The following CAAP1 variants were observed in gnomAD, a reference collection of about 807,000 sequenced individuals.
The protein encoded by CAAP1 is caspase activity and apoptosis inhibitor 1.
CAAP1 carries 20 observed loss-of-function variants against 34.0 expected under a neutral mutation model. That is an observed-to-expected ratio of 0.59 (90% CI 0.41 to 0.86). The LOEUF is 0.86. Among genes scored for constraint, CAAP1 ranks in the 40% least tolerant of loss-of-function variants. The probability of loss-of-function intolerance (pLI) is 0.00; values close to 1 mark genes in which losing one functional copy is unlikely to be tolerated. For synonymous variants in CAAP1, 213 were observed against 166.7 expected (o/e 1.28, Z -2.14); for missense variants, 538 against 450.5 (o/e 1.19, Z -1.76).
At chr9:26,890,020 C>G (rs1014647595) in intron 1 of CAAP1, among the ~76,000 whole-genome samples, 2 of 151,996 alleles carry the variant, frequency 1.3e-5, no homozygotes, top group African/African-American at 2.4e-5. Flanking sequence ...TAGTTCTGTA[C>G]GCAAAATGTT....
At chr9:26,887,267 G>T in intron 2 of CAAP1, 46 bp downstream of exon 2, 3 of 1,220,156 alleles carry the variant, frequency 2.5e-6, no homozygotes, top group Non-Finnish European at 3.4e-6. Flanking sequence ...CTACAAAGAA[G>T]GCTGTATTTC....
chr9:26,849,128 G>C (rs1364421379), intron 5 of CAAP1, among the ~76,000 whole-genome samples: 1 of 152,202 alleles, frequency 6.6e-6, no homozygotes, highest in Non-Finnish European at 1.5e-5. Context: ...CAGGCTAGAC[G>C]ACAGTGTAAT....
intron 5 of CAAP1, among the ~76,000 whole-genome samples, chr9:26,844,169 C>T (rs923301766): frequency 6.6e-6 from 1 of 151,934 alleles, no homozygotes; most frequent in Admixed American, 6.6e-5. Context: ...ACCAGCCTGA[C>T]CAACATGGAG....
chr9:26,877,840 T>A (rs1823481704), intron 4 of CAAP1, among the ~76,000 whole-genome samples: 1 of 151,850 alleles, frequency 6.6e-6, no homozygotes, highest in Middle Eastern at 3.2e-3. Context: ...ATATTTCCTA[T>A]ATTTGTTATA....
intron 1 of CAAP1, among the ~76,000 whole-genome samples, chr9:26,888,797 G>A (rs1242661492): frequency 2.6e-5 from 4 of 152,132 alleles, no homozygotes; most frequent in African/African-American, 7.2e-5. Context: ...ACTTGTACTT[G>A]TTCTTAACAG....
intron 4 of CAAP1, among the ~76,000 whole-genome samples, chr9:26,870,541 G>C (rs1194334181): frequency 7.2e-6 from 1 of 138,300 alleles, no homozygotes; most frequent in African/African-American, 2.7e-5. Flanking sequence ...TGTGTATATA[G>C]ACACATACAC....
At chr9:26,873,954 TC>T (rs1456628742) in intron 4 of CAAP1, among the ~76,000 whole-genome samples, 2 of 152,114 alleles carry the variant, frequency 1.3e-5, no homozygotes, top group East Asian at 3.9e-4. Flanking sequence ...ACGCCTGTAA[TC>T]CCAGAACTTT....
At chr9:26,881,272 T>A (rs1175485508) in intron 4 of CAAP1, among the ~76,000 whole-genome samples, 1 of 152,218 alleles carries the variant, frequency 6.6e-6, no homozygotes, top group Non-Finnish European at 1.5e-5. Context: ...CCATGCACAG[T>A]CGTTGTTGTA....
At chr9:26,867,940 G>A (rs939361562) in intron 4 of CAAP1, among the ~76,000 whole-genome samples, 1 of 152,156 alleles carries the variant, frequency 6.6e-6, no homozygotes, top group African/African-American at 2.4e-5. Flanking sequence ...TTAGAAGTAT[G>A]GTACTGCTTT....
At chr9:26,861,030 TA>T in intron 5 of CAAP1, 35 bp downstream of exon 5, 1 of 1,433,454 alleles carries the variant, frequency 7.0e-7, no homozygotes. Flanking sequence ...ATTCTTCAGG[TA>T]AATTTTATAC....
At chr9:26,845,501 G>A (rs1822578382) in intron 5 of CAAP1, among the ~76,000 whole-genome samples, 1 of 152,110 alleles carries the variant, frequency 6.6e-6, no homozygotes. Flanking sequence ...TCAGCCTTCT[G>A]AGTAGCTGGG....
At position 26,840,959 on chromosome 9, in the gene CAAP1, T is replaced by C. The variant is rs575479200; in HGVS notation, c.*1342A>G. The C allele has an allele frequency of 1.3e-5, 2 of 152,326 alleles. No individual in the cohort carries two copies. The highest frequency in any genetic ancestry group is 3.9e-4 in the East Asian group (2 of 5,190). 9.4% of individuals were successfully genotyped at this position (152,326 alleles called of 1,614,324 possible). A position where few individuals can be genotyped will look rare whatever the true frequency, so the allele number is the denominator to read the frequency against. On this transcript the variant is annotated 3_prime_UTR_variant, in exon 6 of 6. Coordinates refer to ENST00000333916, the MANE Select transcript of CAAP1 (RefSeq NM_024828.4). Reference sequence around the variant, plus strand: ...TTTAAAATCATATAGGCTTTTTCTATGCTTTATTAGAAAGATTTATGGAGG... The same window carrying C: ...TTTAAAATCATATAGGCTTTTTCTACGCTTTATTAGAAAGATTTATGGAGG...
chr9:26,872,334 G>A (rs1221516512), intron 4 of CAAP1, among the ~76,000 whole-genome samples: 5 of 152,012 alleles, frequency 3.3e-5, no homozygotes, highest in Non-Finnish European at 7.4e-5. Flanking sequence ...GACTACATAA[G>A]AAACCTAACT....
At chr9:26,889,521 C>T (rs1373209391) in intron 1 of CAAP1, among the ~76,000 whole-genome samples, 1 of 152,076 alleles carries the variant, frequency 6.6e-6, no homozygotes, top group African/African-American at 2.4e-5. Flanking sequence ...GTGAATTGCA[C>T]AGTATGTCAA....
intron 1 of CAAP1, among the ~76,000 whole-genome samples, chr9:26,888,222 T>G (rs1563895388): frequency 6.6e-6 from 1 of 152,238 alleles, no homozygotes; most frequent in South Asian, 2.1e-4. Flanking sequence ...CTCATCCTTC[T>G]TGTTTAAAAC....
chr9:26,875,296 G>A (rs553412648), intron 4 of CAAP1, among the ~76,000 whole-genome samples: 34 of 152,196 alleles, frequency 2.2e-4, no homozygotes, highest in Non-Finnish European at 4.9e-4. Flanking sequence ...TAAGGTGGGA[G>A]AATTGCTTGA....
chr9:26,856,354 G>T (rs1446035892), intron 5 of CAAP1, among the ~76,000 whole-genome samples: 1 of 152,048 alleles, frequency 6.6e-6, no homozygotes, highest in African/African-American at 2.4e-5. Context: ...CCATTAAACA[G>T]ATCAAAGACT....
intron 4 of CAAP1, among the ~76,000 whole-genome samples, chr9:26,865,872 A>T (rs1347559233): frequency 1.3e-5 from 2 of 152,116 alleles, no homozygotes; most frequent in African/African-American, 4.8e-5. Flanking sequence ...TTTGAGATGG[A>T]GGCTTGCTCT....
intron 4 of CAAP1, among the ~76,000 whole-genome samples, chr9:26,868,704 T>C (rs1035477972): frequency 6.6e-6 from 1 of 152,162 alleles, no homozygotes; most frequent in Non-Finnish European, 1.5e-5. Flanking sequence ...AATAACACCA[T>C]GAAGATACAA....
Sources: allele counts gnomAD v4.1 joint callset (sites outside exome capture counted in the v4.1 genomes callset), GRCh38; gene constraint gnomAD v4.1.1; transcripts MANE v1.5; gene names NCBI Gene and HGNC (gene_info 2026-07-23, HGNC 2026-07-21).